The following KCNAB1 variants were observed in gnomAD, a reference collection of about 807,000 sequenced individuals.
KCNAB1 encodes the protein potassium voltage-gated channel subfamily A regulatory beta subunit 1.
KCNAB1 carries 35 observed loss-of-function variants against 64.6 expected under a neutral mutation model. That is an observed-to-expected ratio of 0.54 (90% confidence interval 0.41 to 0.72). KCNAB1 has a LOEUF of 0.72. Among genes scored for constraint, KCNAB1 ranks in the 30% least tolerant of loss-of-function variants. The pLI is 0.00. For synonymous variants in KCNAB1, 177 were observed against 183.8 expected, an observed-to-expected ratio of 0.96 and a Z score of 0.30; for missense variants, 401 against 512.9, an observed-to-expected ratio of 0.78 and a Z score of 2.11.
intron 1 of KCNAB1, among the ~76,000 whole-genome samples, chr3:156,237,410 G>C (rs987133059): frequency 1.3e-5 from 2 of 151,796 alleles, no homozygotes; most frequent in Admixed American, 6.6e-5. Flanking sequence ...AGAAATATTA[G>C]AAATTACAAG....
intron 2 of KCNAB1, among the ~76,000 whole-genome samples, chr3:156,436,327 T>G (rs1316155325): frequency 6.6e-6 from 1 of 152,226 alleles, no homozygotes; most frequent in Admixed American, 6.5e-5. Context: ...TGATGGGCAT[T>G]TGGGTTGACT....
chr3:156,330,126 C>T (rs942152564), intron 1 of KCNAB1, among the ~76,000 whole-genome samples: 18 of 152,160 alleles, frequency 1.2e-4, no homozygotes, highest in African/African-American at 4.1e-4. Flanking sequence ...AAATATATCC[C>T]ATCCCCCCTT....
intron 1 of KCNAB1, among the ~76,000 whole-genome samples, chr3:156,270,882 A>G (rs1002348513): frequency 2.0e-5 from 3 of 152,056 alleles, no homozygotes; most frequent in African/African-American, 4.8e-5. Flanking sequence ...TGATGATGAA[A>G]TCTCTCAGCT....
intron 7 of KCNAB1, among the ~76,000 whole-genome samples, chr3:156,474,319 A>G (rs948861204): frequency 6.6e-6 from 1 of 152,244 alleles, no homozygotes; most frequent in Admixed American, 6.5e-5. Flanking sequence ...TGTGTAATAA[A>G]TGTACCTCTA....
intron 1 of KCNAB1, among the ~76,000 whole-genome samples, chr3:156,346,082 G>A (rs1048744651): frequency 7.9e-5 from 12 of 151,070 alleles, no homozygotes; most frequent in African/African-American, 2.9e-4. Context: ...TAAGTTTTCC[G>A]TGTTCATACA....
intron 1 of KCNAB1, among the ~76,000 whole-genome samples, chr3:156,144,118 G>A (rs183972373): frequency 8.5e-4 from 129 of 152,228 alleles, no homozygotes; most frequent in African/African-American, 2.9e-3. Context: ...AGCAATTATT[G>A]CTCCTGCACA....
intron 1 of KCNAB1, among the ~76,000 whole-genome samples, chr3:156,232,008 A>G (rs145290570): frequency 3.9e-5 from 6 of 152,320 alleles, no homozygotes; most frequent in Admixed American, 3.9e-4. Context: ...CATATTTTAC[A>G]GAGTTTGACT....
At chr3:156,186,848 C>CTTTTTTT (rs11293662) in intron 1 of KCNAB1, among the ~76,000 whole-genome samples, 2 of 142,640 alleles carry the variant, frequency 1.4e-5, no homozygotes, top group South Asian at 2.2e-4. Context: ...TCCTTAGCAT[C>CTTTTTTT]TTTTTTTTTT....
chr3:156,308,700 A>G (rs75636410), intron 1 of KCNAB1, among the ~76,000 whole-genome samples: 2,152 of 152,338 alleles, frequency 0.014, 20 homozygotes, highest in South Asian at 0.032. Flanking sequence ...AGATCATGAC[A>G]GTGTCTGTCT....
At chr3:156,489,470 G>A (rs1715481127) in intron 8 of KCNAB1, among the ~76,000 whole-genome samples, 1 of 152,084 alleles carries the variant, frequency 6.6e-6, no homozygotes. Context: ...TTGTCTATTG[G>A]TGTTAACAAT....
At chr3:156,223,308 G>C (rs898681434) in intron 1 of KCNAB1, among the ~76,000 whole-genome samples, 1 of 152,224 alleles carries the variant, frequency 6.6e-6, no homozygotes, top group African/African-American at 2.4e-5. Context: ...GGGGACCCAA[G>C]CAGGTTGCCA....
chr3:156,316,340 T>C (rs1560191726), intron 1 of KCNAB1, among the ~76,000 whole-genome samples: 1 of 152,190 alleles, frequency 6.6e-6, no homozygotes, highest in Admixed American at 6.5e-5. Context: ...ATCAACATAG[T>C]AGTGACTCTG....
intron 1 of KCNAB1, among the ~76,000 whole-genome samples, chr3:156,331,727 G>A (rs1003465346): frequency 6.6e-6 from 1 of 152,076 alleles, no homozygotes; most frequent in African/African-American, 2.4e-5. Context: ...CAGAATAAAA[G>A]TTAGCAGTCT....
chr3:156,363,282 G>A (rs776182663), intron 1 of KCNAB1, among the ~76,000 whole-genome samples: 1 of 152,088 alleles, frequency 6.6e-6, no homozygotes, highest in Non-Finnish European at 1.5e-5. Flanking sequence ...TAGTATTTTG[G>A]TTAGTCATTT....
At chr3:156,254,866 T>C (rs1396211949) in intron 1 of KCNAB1, among the ~76,000 whole-genome samples, 1 of 152,244 alleles carries the variant, frequency 6.6e-6, no homozygotes, top group Non-Finnish European at 1.5e-5. Context: ...ATTTGGCCTT[T>C]GGGCTTAGGT....
intron 1 of KCNAB1, among the ~76,000 whole-genome samples, chr3:156,368,656 A>C (rs1726105775): frequency 6.6e-6 from 1 of 152,168 alleles, no homozygotes; most frequent in African/African-American, 2.4e-5. Flanking sequence ...TATAACTCCA[A>C]CTCTGACATT....
intron 1 of KCNAB1, among the ~76,000 whole-genome samples, chr3:156,273,157 A>G (rs1030857800): frequency 1.3e-5 from 2 of 151,160 alleles, no homozygotes; most frequent in Non-Finnish European, 2.9e-5. Context: ...CTCTTTTGGA[A>G]CTATGAGCTA....
At chr3:156,283,312 G>T (rs1719862957) in intron 1 of KCNAB1, among the ~76,000 whole-genome samples, 1 of 151,372 alleles carries the variant, frequency 6.6e-6, no homozygotes, top group Middle Eastern at 3.2e-3. Context: ...CTTCTGGCTT[G>T]TAGGGTTTCT....
intron 2 of KCNAB1, among the ~76,000 whole-genome samples, chr3:156,431,719 G>T (rs1716223701): frequency 6.6e-6 from 1 of 152,244 alleles, no homozygotes; most frequent in Non-Finnish European, 1.5e-5. Context: ...CAAGACGTCA[G>T]CTCTAGCAAA....
Sources: allele counts gnomAD v4.1 joint callset (sites outside exome capture counted in the v4.1 genomes callset), GRCh38; gene constraint gnomAD v4.1.1; transcripts MANE v1.5; gene names NCBI Gene and HGNC (gene_info 2026-07-23, HGNC 2026-07-21).